Variants in PRDM9 observed in about 807,000 individuals in gnomAD.
The protein encoded by PRDM9 is histone-lysine N-methyltransferase PRDM9.
In PRDM9, 47 loss-of-function variants were observed where a neutral mutation model predicts 55.6. The observed-to-expected ratio is 0.85, with a 90% CI of 0.67 to 1.08. The LOEUF (loss-of-function observed/expected upper bound fraction) is 1.08, where lower values mean the gene tolerates loss of function less well. PRDM9 is among the 50% of genes least tolerant of loss of function. The pLI is 0.00. For missense variants in PRDM9, 867 were observed against 1,040.3 expected, an observed-to-expected ratio of 0.83 and a Z score of 2.29; for synonymous variants, 312 against 375.7, an observed-to-expected ratio of 0.83 and a Z score of 1.96.
At position 23,517,910 on chromosome 5, in the gene PRDM9, G is replaced by C; in HGVS notation, c.331G>C (p.Glu111Gln). 1 of 1,603,030 alleles carries C rather than the reference G, an allele frequency of 6.2e-7. No individual in the cohort carries two copies. The highest frequency in any genetic ancestry group is 8.5e-7 in the Non-Finnish European group (1 of 1,169,936). Residue 111 changes from glutamate to glutamine, a missense_variant, in exon 5 of 11, where the codon GAA becomes CAA. Glu to Gln is a conservative substitution (Grantham distance 29, BLOSUM62 2). Around this residue, in one of 5 missense-constraint regions of PRDM9, gnomAD observed 662 missense variants for 711.9 expected, o/e 0.93. Transcript: ENST00000296682. ...VKPPWMALRV[E>Q]QRKHQKGMPK... Reference sequence around the variant, plus strand: ...ACCTCCTTGGATGGCCTTAAGAGTGGAACAGCGTAAACACCAGAAGGTAAG... The same window carrying C: ...ACCTCCTTGGATGGCCTTAAGAGTGCAACAGCGTAAACACCAGAAGGTAAG...
At chr5:23,524,226 T>C in intron 9 of PRDM9, 108 bp from the exon 10 acceptor site, 1 of 1,427,936 alleles carries the variant, frequency 7.0e-7, no homozygotes, top group Non-Finnish European at 9.9e-7. Flanking sequence ...GGGGGAGTGG[T>C]CAGCACTAGA....
Position 23,522,811 on chromosome 5 carries a change from G to A in PRDM9, c.808G>A (p.Gly270Ser), listed in dbSNP as rs1335114751. 7 of 1,614,082 alleles carry A rather than the reference G, an allele frequency of 4.3e-6. No homozygotes were observed. In the East Asian group the frequency reaches 1.1e-4, roughly 26 times the overall value. ...GAATGAGGCATCTGATCTGCCGCTG[G>A]GTCTGCACTTTGGCCCTTATGAGGG... ...VWNEASDLPL[G>S]LHFGPYEGRI... The change falls in exon 8 of 11, where the codon GGT becomes AGT. Residue 270 changes from glycine to serine, a missense_variant. Around this residue, in one of 5 missense-constraint regions of PRDM9, gnomAD observed 662 missense variants for 711.9 expected, o/e 0.93. Coordinates refer to ENST00000296682, the MANE Select transcript of PRDM9 (RefSeq NM_020227.4).
At position 23,526,709 on chromosome 5, in the gene PRDM9, A is replaced by G. The variant is rs1739446573; in HGVS notation, c.1621A>G (p.Thr541Ala). 3 of 1,614,156 alleles carry G rather than the reference A, an allele frequency of 1.9e-6. No homozygotes were observed. Among genetic ancestry groups the G allele is most frequent in the South Asian group, 2.2e-5 (2 of 91,090 alleles). ...QGFSVKSDVI[T>A]HQRTHTGEKL... ...TTTCAGTGTTAAATCAGATGTTATT[A>G]CACACCAAAGGACACATACAGGGGA... The change falls in exon 11 of 11, where the codon ACA (threonine) becomes GCA (alanine). Residue 541 changes from threonine (T) to alanine (A), a missense_variant. Physicochemically the swap from Thr to Ala is moderately conservative, Grantham distance 58. Transcript: ENST00000296682.
chr5:23,508,451 A>G (rs1579586810), intron 1 of PRDM9, among the ~76,000 whole-genome samples: 1 of 152,178 alleles, frequency 6.6e-6, no homozygotes, highest in African/African-American at 2.4e-5. Flanking sequence ...TCAACCTGAG[A>G]AATAGCTTCC....
intron 2 of PRDM9, 102 bp downstream of exon 2, chr5:23,509,204 C>A: frequency 6.7e-7 from 1 of 1,501,832 alleles, no homozygotes; most frequent in Non-Finnish European, 9.2e-7. Context: ...TCTGAATGTG[C>A]ATGGAATGGG....
Position 23,527,687 on chromosome 5 carries a change from C to G in PRDM9, c.2599C>G (p.Arg867Gly). The G allele has an allele frequency of 1.3e-6, 2 of 1,586,220 alleles. No individual in the cohort carries two copies. The highest frequency in any genetic ancestry group is 1.7e-6 in the Non-Finnish European group (2 of 1,165,816). The change falls in exon 11 of 11, where the codon CGG becomes GGG. Residue 867 changes from arginine (R) to glycine (G), a missense_variant. Arg to Gly is a moderately radical substitution (Grantham distance 125, BLOSUM62 -2). Transcript: ENST00000296682. ...EKPYVCRECG[R>G]GFSDRSSLCY... Reference sequence around the variant, plus strand: ...GCCCTACGTCTGCAGGGAGTGTGGGCGGGGCTTTAGCGATAGGTCAAGCCT... The same window carrying G: ...GCCCTACGTCTGCAGGGAGTGTGGGGGGGGCTTTAGCGATAGGTCAAGCCT...
chr5:23,521,240 T>C, intron 6 of PRDM9, 61 bp downstream of exon 6: 1 of 1,589,748 alleles, frequency 6.3e-7, no homozygotes, highest in Non-Finnish European at 8.6e-7. Flanking sequence ...GGTTGATGAG[T>C]ATGGTCTACC....
At chr5:23,526,063 T>TA (rs1739422042) in intron 10 of PRDM9, among the ~76,000 whole-genome samples, 170 bp from the exon 11 acceptor site, 1 of 152,132 alleles carries the variant, frequency 6.6e-6, no homozygotes, top group South Asian at 2.1e-4. Context: ...ATGTAGTGAA[T>TA]AAAAGTGGAA....
At chr5:23,518,595 G>C (rs1739266132) in intron 5 of PRDM9, among the ~76,000 whole-genome samples, 1 of 152,206 alleles carries the variant, frequency 6.6e-6, no homozygotes, top group South Asian at 2.1e-4. Flanking sequence ...ATCAGAGGAA[G>C]CAGCTTCCAG....
chr5:23,527,819 TGTG>T lies in PRDM9; in HGVS notation c.*49_*51del, dbSNP rs1251189830. On this transcript the variant is annotated 3_prime_UTR_variant, in exon 11 of 11. Transcript: ENST00000296682. The stretch of plus-strand genomic sequence containing the variant: ...ATCTCAATAGCCACAAAAAGACAAA[TGTG>T]GTCACCACACACTTGCACACCCCAG... 2 of 1,611,072 alleles carry T rather than the reference TGTG, an allele frequency of 1.2e-6. No individual in the cohort carries two copies. The highest frequency in any genetic ancestry group is 2.7e-5 in the African/African-American group (2 of 74,850).
At chr5:23,517,745 C>A in intron 4 of PRDM9, 136 bp from the exon 5 acceptor site, 6 of 818,310 alleles carry the variant, frequency 7.3e-6, no homozygotes, top group South Asian at 2.8e-5. Flanking sequence ...GGAGATTGAG[C>A]CACTGCACTC....
chr5:23,511,268 A>G (rs576813134), intron 4 of PRDM9, among the ~76,000 whole-genome samples: 33 of 152,358 alleles, frequency 2.2e-4, no homozygotes, highest in Non-Finnish European at 4.6e-4. Flanking sequence ...TAAATGTTCA[A>G]CAAACAAGCA....
At position 23,518,646 on chromosome 5, in the gene PRDM9, T is replaced by A. The variant is rs535139727; in HGVS notation, c.351+716T>A. Among the ~76,000 whole-genome samples, 502 of 152,276 alleles carry A rather than the reference T, an allele frequency of 3.3e-3. 2 individuals carry two copies. The highest frequency in any genetic ancestry group is 0.012 in the African/African-American group (483 of 41,566). ...GCTTTGAAGACTGAGAAACAACAAA[T>A]AAGAAAATGGTTTAAGACTTCATAT... On this transcript the variant is annotated intron_variant, in intron 5 of 10. Transcript: ENST00000296682.
At chr5:23,517,841 C>T (rs1240374709) in intron 4 of PRDM9, 40 bp from the exon 5 acceptor site, 1 of 1,511,230 alleles carries the variant, frequency 6.6e-7, no homozygotes, top group Admixed American at 1.7e-5. Context: ...TGTTTGGAAA[C>T]ATTTACCAAC....
At chr5:23,520,247 C>A (rs1212820657) in intron 5 of PRDM9, among the ~76,000 whole-genome samples, 1 of 149,508 alleles carries the variant, frequency 6.7e-6, no homozygotes, top group Non-Finnish European at 1.5e-5. Context: ...TGCCTGTAAT[C>A]CTAGCTTCTC....
intron 4 of PRDM9, among the ~76,000 whole-genome samples, chr5:23,517,655 G>A (rs540800562): frequency 2.0e-4 from 31 of 152,168 alleles, no homozygotes; most frequent in African/African-American, 7.0e-4. Context: ...GTGTGGTGGC[G>A]TACACCTGTA....
intron 1 of PRDM9, 21 bp from the exon 2 acceptor site, chr5:23,508,929 C>G: frequency 1.4e-6 from 2 of 1,387,064 alleles, no homozygotes. Context: ...TGCCCCCTCT[C>G]AGCACCTTCT....
intron 4 of PRDM9, among the ~76,000 whole-genome samples, chr5:23,516,723 T>C (rs1739217329): frequency 6.7e-6 from 1 of 148,976 alleles, no homozygotes; most frequent in Non-Finnish European, 1.5e-5. Context: ...TTTATAGTTT[T>C]CTTTTTTTTT....
intron 4 of PRDM9, among the ~76,000 whole-genome samples, chr5:23,511,854 A>G (rs574814896): frequency 1.4e-4 from 21 of 152,292 alleles, no homozygotes; most frequent in African/African-American, 5.1e-4. Context: ...ATTTTGAAAT[A>G]CACATAAAAA....
Sources: gnomAD v4.1 joint callset for allele counts (sites outside exome capture counted in the v4.1 genomes callset) on GRCh38, gnomAD v4.1.1 for gene constraint, gnomAD v4.1.1 regional missense constraint, MANE v1.5 for transcripts, NCBI Gene and HGNC (gene_info 2026-07-23, HGNC 2026-07-21) for gene names.